The following TRDN variants were observed in gnomAD, a reference collection of about 807,000 sequenced individuals.
The protein encoded by TRDN is triadin in skeletal muscle.
In TRDN, 161 loss-of-function variants were observed where a neutral mutation model predicts 149.7. That is an observed-to-expected ratio of 1.08 (90% CI 0.95 to 1.23). The LOEUF is 1.23. TRDN is among the 50% of genes most tolerant of loss of function. TRDN has a pLI of 0.00. For synonymous variants in TRDN, 294 were observed against 250.5 expected (o/e 1.17, Z -1.64); for missense variants, 896 against 823.5 (o/e 1.09, Z -1.08).
chr6:123,290,590 G>A (rs1338432081), intron 24 of TRDN, among the ~76,000 whole-genome samples: 4 of 152,134 alleles, frequency 2.6e-5, no homozygotes, highest in Non-Finnish European at 5.9e-5. Flanking sequence ...ACTGTTAAAA[G>A]TGAAAGAACG....
intron 9 of TRDN, among the ~76,000 whole-genome samples, chr6:123,485,476 G>A (rs148179476): frequency 6.6e-6 from 1 of 152,036 alleles, no homozygotes; most frequent in South Asian, 2.1e-4. Flanking sequence ...TTCTGGCAAG[G>A]TATGAGGCAG....
intron 9 of TRDN, among the ~76,000 whole-genome samples, chr6:123,465,941 A>G (rs1055462121): frequency 2.0e-5 from 3 of 152,220 alleles, no homozygotes; most frequent in African/African-American, 7.2e-5. Flanking sequence ...ATGGTGTAAT[A>G]TGGTTTAGCA....
At chr6:123,339,301 G>T (rs548832144) in intron 21 of TRDN, among the ~76,000 whole-genome samples, 90 of 152,140 alleles carry the variant, frequency 5.9e-4, no homozygotes, top group Admixed American at 5.0e-3. Flanking sequence ...CACCATGCCC[G>T]GCCATGTATT....
chr6:123,302,757 A>G (rs542252317), intron 24 of TRDN, among the ~76,000 whole-genome samples: 1 of 152,216 alleles, frequency 6.6e-6, no homozygotes, highest in African/African-American at 2.4e-5. Flanking sequence ...TGAACAAGGC[A>G]TCTCAAATTT....
intron 4 of TRDN, among the ~76,000 whole-genome samples, chr6:123,535,984 G>A (rs897760065): frequency 1.3e-5 from 2 of 152,074 alleles, no homozygotes; most frequent in Admixed American, 6.6e-5. Context: ...ATTAACACGG[G>A]AGTCAATCTG....
chr6:123,240,400 G>A (rs935043131), intron 38 of TRDN, among the ~76,000 whole-genome samples: 2 of 151,550 alleles, frequency 1.3e-5, no homozygotes, highest in African/African-American at 4.8e-5. Context: ...TTTTAGAAAT[G>A]GGAAGGTCTT....
At chr6:123,419,806 C>T (rs1350089685) in intron 12 of TRDN, among the ~76,000 whole-genome samples, 2 of 152,174 alleles carry the variant, frequency 1.3e-5, no homozygotes, top group Non-Finnish European at 2.9e-5. Context: ...TGAGTACCTC[C>T]TGCCTCCCAA....
At chr6:123,630,517 T>G (rs1351491317) in intron 1 of TRDN, among the ~76,000 whole-genome samples, 1 of 151,942 alleles carries the variant, frequency 6.6e-6, no homozygotes, top group African/African-American at 2.4e-5. Flanking sequence ...GTATAATAAC[T>G]GAATAGCCTC....
chr6:123,255,153 A>G, intron 36 of TRDN, 28 bp from the exon 37 acceptor site: 1 of 1,070,544 alleles, frequency 9.3e-7, no homozygotes, highest in Non-Finnish European at 1.3e-6. Flanking sequence ...GTAAATTAAA[A>G]TATAAATTTT....
intron 4 of TRDN, among the ~76,000 whole-genome samples, chr6:123,536,833 A>G (rs1369911144): frequency 1.3e-5 from 2 of 152,018 alleles, no homozygotes; most frequent in Non-Finnish European, 2.9e-5. Context: ...GCAGTGAGCC[A>G]TGATGGTGAC....
At chr6:123,284,675 C>G (rs1278467203) in intron 24 of TRDN, among the ~76,000 whole-genome samples, 1 of 152,004 alleles carries the variant, frequency 6.6e-6, no homozygotes, top group African/African-American at 2.4e-5. Flanking sequence ...ATCAATCAAA[C>G]AAGAGAGAGA....
chr6:123,559,555 C>T (rs74814240), intron 2 of TRDN, among the ~76,000 whole-genome samples: 23 of 152,230 alleles, frequency 1.5e-4, no homozygotes, highest in Middle Eastern at 6.8e-3. Context: ...CCTTGGCAAC[C>T]GATCATGCAC....
intron 2 of TRDN, among the ~76,000 whole-genome samples, chr6:123,560,269 G>A (rs191801705): frequency 6.6e-6 from 1 of 152,158 alleles, no homozygotes; most frequent in African/African-American, 2.4e-5. Context: ...CTACCTCTCA[G>A]CAAGCCAAAC....
intron 23 of TRDN, among the ~76,000 whole-genome samples, chr6:123,328,393 C>A (rs972932): frequency 0.18 from 27,547 of 152,220 alleles, 3,502 homozygotes; most frequent in East Asian, 0.63. Flanking sequence ...ACACCACCTG[C>A]AAACCTATCT....
chr6:123,269,181 G>T (rs1777120140), intron 31 of TRDN, among the ~76,000 whole-genome samples: 1 of 151,882 alleles, frequency 6.6e-6, no homozygotes, highest in East Asian at 1.9e-4. Flanking sequence ...AAATATTTAT[G>T]CCTTCCTGAG....
chr6:123,348,863 T>G (rs2114283730), intron 21 of TRDN, among the ~76,000 whole-genome samples: 1 of 152,248 alleles, frequency 6.6e-6, no homozygotes, highest in East Asian at 1.9e-4. Context: ...ATACATAAAG[T>G]TGGTTATTTC....
At chr6:123,300,030 A>G (rs1297133941) in intron 24 of TRDN, among the ~76,000 whole-genome samples, 1 of 151,972 alleles carries the variant, frequency 6.6e-6, no homozygotes, top group Non-Finnish European at 1.5e-5. Context: ...TCAAGTGTTT[A>G]AGAAGCTTCC....
intron 5 of TRDN, among the ~76,000 whole-genome samples, chr6:123,524,946 C>T (rs1256174599): frequency 6.6e-6 from 1 of 152,006 alleles, no homozygotes; most frequent in African/African-American, 2.4e-5. Context: ...TATTCACAAA[C>T]ATGAAAAATT....
intron 1 of TRDN, among the ~76,000 whole-genome samples, chr6:123,600,100 A>G (rs533484859): frequency 6.6e-6 from 1 of 152,182 alleles, no homozygotes; most frequent in Non-Finnish European, 1.5e-5. Context: ...TGGTGTGCAG[A>G]GTTGAATACT....
Sources: gnomAD v4.1 joint callset for allele counts (sites outside exome capture counted in the v4.1 genomes callset) on GRCh38, gnomAD v4.1.1 for gene constraint, MANE v1.5 for transcripts, NCBI Gene and HGNC (gene_info 2026-07-23, HGNC 2026-07-21) for gene names.